The following TANGO6 variants were observed in gnomAD, a reference collection of about 807,000 sequenced individuals.
TANGO6 encodes the protein transport and golgi organization 6 homolog, also known as transport and Golgi organization protein 6 homolog.
TANGO6 carries 90 observed loss-of-function variants against 114.2 expected under a neutral mutation model. The ratio of observed to expected loss-of-function variants is 0.79; its 90% CI spans 0.66 to 0.94. The LOEUF (loss-of-function observed/expected upper bound fraction) is 0.94, where lower values mean the gene tolerates loss of function less well. TANGO6 is among the 40% of genes least tolerant of loss of function. The probability of loss-of-function intolerance (pLI) is 0.00; values close to 1 mark genes in which losing one functional copy is unlikely to be tolerated. For synonymous variants in TANGO6, 477 were observed against 509.8 expected (o/e 0.94, Z 0.87); for missense variants, 1,274 against 1,315.3 (o/e 0.97, Z 0.49).
chr16:68,960,297 C>CTTT (rs201075757), intron 14 of TANGO6, among the ~76,000 whole-genome samples: 1 of 134,760 alleles, frequency 7.4e-6, no homozygotes, highest in Non-Finnish European at 1.6e-5. Flanking sequence ...ATTAGGGCAG[C>CTTT]TTTTTTTTTT....
chr16:68,955,931 A>T (rs1204277567), intron 14 of TANGO6, among the ~76,000 whole-genome samples: 2 of 152,078 alleles, frequency 1.3e-5, no homozygotes, highest in East Asian at 3.9e-4. Flanking sequence ...CTGGAGGATT[A>T]CCTGAGGTCA....
intron 16 of TANGO6, among the ~76,000 whole-genome samples, chr16:69,038,814 G>A (rs546399946): frequency 7.2e-5 from 11 of 151,902 alleles, no homozygotes; most frequent in Admixed American, 1.3e-4. Context: ...AGGTGGACGC[G>A]GGCAGATCAC....
chr16:68,886,515 C>T (rs1962541070), intron 7 of TANGO6, among the ~76,000 whole-genome samples: 1 of 143,472 alleles, frequency 7.0e-6, no homozygotes, highest in Non-Finnish European at 1.5e-5. Flanking sequence ...TCTCTCCATA[C>T]TTTTTTTTTT....
chr16:68,882,978 A>T (rs1174424766), intron 7 of TANGO6, among the ~76,000 whole-genome samples: 1 of 152,196 alleles, frequency 6.6e-6, no homozygotes, highest in Non-Finnish European at 1.5e-5. Context: ...AGATTGTGCC[A>T]CTGTACTCCA....
At chr16:68,896,815 C>T (rs1297200245) in intron 7 of TANGO6, among the ~76,000 whole-genome samples, 2 of 152,118 alleles carry the variant, frequency 1.3e-5, no homozygotes, top group Non-Finnish European at 2.9e-5. Flanking sequence ...AATTCTAAAT[C>T]TTTTCACTTA....
At chr16:68,865,899 C>T (rs548779180) in intron 3 of TANGO6, among the ~76,000 whole-genome samples, 40 of 151,270 alleles carry the variant, frequency 2.6e-4, no homozygotes, top group Admixed American at 1.6e-3. Flanking sequence ...GCCTGGGCAA[C>T]AGAGCAAGAC....
At chr16:68,939,891 G>T (rs761228435) in intron 14 of TANGO6, among the ~76,000 whole-genome samples, 1 of 151,962 alleles carries the variant, frequency 6.6e-6, no homozygotes, top group Non-Finnish European at 1.5e-5. Flanking sequence ...AGTTTCTAGT[G>T]TGCTGTACAT....
At chr16:69,064,497 C>A (rs1366542473) in intron 17 of TANGO6, among the ~76,000 whole-genome samples, 1 of 152,244 alleles carries the variant, frequency 6.6e-6, no homozygotes, top group Admixed American at 6.5e-5. Flanking sequence ...TCTGCTGCTC[C>A]CTATCTTCTC....
Position 68,867,234 on chromosome 16 carries a change from T to C in TANGO6, c.994+14T>C, listed in dbSNP as rs761759758. 27 of 1,613,436 alleles carry C rather than the reference T, an allele frequency of 1.7e-5. No homozygotes were observed. In the South Asian group the frequency reaches 2.9e-4, roughly 17 times the overall value. On this transcript the variant is annotated intron_variant, in intron 4 of 17. Transcript: ENST00000261778. ...AAGGAGCAGGTGGTAAGAAATAAAA[T>C]GTTGCTGTGACTTTGGTATCTGTTT... is the stretch of plus-strand genomic sequence containing the variant.
intron 15 of TANGO6, among the ~76,000 whole-genome samples, chr16:68,999,817 T>A (rs1226815234): frequency 2.0e-5 from 3 of 152,266 alleles, no homozygotes; most frequent in Non-Finnish European, 4.4e-5. Context: ...GTTCAATCTA[T>A]GCAATTAATT....
At chr16:69,067,848 A>G (rs1161434870) in intron 17 of TANGO6, among the ~76,000 whole-genome samples, 2 of 151,260 alleles carry the variant, frequency 1.3e-5, no homozygotes, top group Non-Finnish European at 2.9e-5. Flanking sequence ...GAGGCAGGAG[A>G]ATTGCTTGAA....
chr16:68,858,882 G>T (rs923304880), intron 1 of TANGO6, among the ~76,000 whole-genome samples: 2 of 152,204 alleles, frequency 1.3e-5, no homozygotes, highest in African/African-American at 4.8e-5. Context: ...TTAGCATTCA[G>T]TTGGAAATCT....
chr16:68,960,463 T>G (rs1331330301), intron 14 of TANGO6, among the ~76,000 whole-genome samples: 4 of 151,914 alleles, frequency 2.6e-5, no homozygotes, highest in South Asian at 2.1e-4. Context: ...TTTCCAGTGC[T>G]GTTTTTTAAA....
Position 68,860,195 on chromosome 16 carries a change from G to T in TANGO6, c.406G>T (p.Ala136Ser). 1 of 1,613,992 alleles carries T rather than the reference G, an allele frequency of 6.2e-7. No individual in the cohort carries two copies. The highest frequency in any genetic ancestry group is 8.5e-7 in the Non-Finnish European group (1 of 1,179,900). The change falls in exon 2 of 18, where the codon GCA becomes TCA. Residue 136 changes from alanine to serine, a missense_variant. This residue lies in a region of TANGO6 where 908 missense variants were observed against 910.2 expected (regional missense o/e 1.00). Transcript: ENST00000261778. The stretch of plus-strand genomic sequence containing the variant: ...AGTTGCTCCTGCCCTGAGCCCCGAT[G>T]CACTTAGTATCTCACAACAGAAGAC... ...PEVAPALSPDALSISQQKTVQ... is the reference protein window; with the variant it reads ...PEVAPALSPDSLSISQQKTVQ...
At chr16:69,025,877 C>T (rs1959493500) in intron 16 of TANGO6, 1 of 239,134 alleles carries the variant, frequency 4.2e-6, no homozygotes, top group Admixed American at 4.1e-5. Flanking sequence ...CTAGTGGAAC[C>T]AAAGCCTCCT....
Position 68,863,059 on chromosome 16 carries a change from C to A in TANGO6, c.850C>A (p.Gln284Lys). 6.5e-7 allele frequency: 1 copy of A among 1,549,120 alleles called. No individual in the cohort carries two copies. The highest frequency in any genetic ancestry group is 8.7e-7 in the Non-Finnish European group (1 of 1,145,102). ...GCTTATCCTCCAGGGAGGACCACCC[C>A]AGGTACTCAGGCCTAGGGACTCTTG... Reference protein sequence around the residue: ...ELLILQGGPPQSCTDVKTQMR... With the variant: ...ELLILQGGPPKSCTDVKTQMR... The change falls in exon 3 of 18, where the codon CAG (glutamine) becomes AAG (lysine). Residue 284 changes from glutamine (Q) to lysine (K), a missense_variant and splice_region_variant. Gln to Lys is a moderately conservative substitution (Grantham distance 53, BLOSUM62 1). Coordinates refer to ENST00000261778, the MANE Select transcript of TANGO6 (RefSeq NM_024562.2).
Position 68,877,545 on chromosome 16 carries a change from C to T in TANGO6, c.1132-573C>T, listed in dbSNP as rs796835446. Among the ~76,000 whole-genome samples, 8 of 151,302 alleles carry T rather than the reference C, an allele frequency of 5.3e-5. 1 individual carries two copies. Among genetic ancestry groups the T allele is most frequent in the African/African-American group, 1.9e-4 (8 of 41,236 alleles). On this transcript the variant is annotated intron_variant, in intron 5 of 17. Transcript: ENST00000261778. ...TCCCTATGCGTATGCCTAAAATGAG[C>T]CTGTATTTTATAAATTTGATAAAAT...
intron 14 of TANGO6, among the ~76,000 whole-genome samples, chr16:68,953,154 G>A (rs1963490540): frequency 6.6e-6 from 1 of 151,398 alleles, no homozygotes; most frequent in Admixed American, 6.6e-5. Flanking sequence ...CACAATCTTG[G>A]CTCACTGCAA....
At chr16:68,869,714 C>A (rs1313748324) in intron 4 of TANGO6, among the ~76,000 whole-genome samples, 1 of 152,164 alleles carries the variant, frequency 6.6e-6, no homozygotes. Context: ...CAACAACTTA[C>A]CACAAACTTA....
Sources: allele counts gnomAD v4.1 joint callset (sites outside exome capture counted in the v4.1 genomes callset), GRCh38; gene constraint gnomAD v4.1.1; regional missense constraint gnomAD v4.1.1; transcripts MANE v1.5; gene names NCBI Gene and HGNC (gene_info 2026-07-23, HGNC 2026-07-21).